SYT6: variants seen among roughly 807,000 people sequenced by gnomAD.
SYT6 encodes the protein synaptotagmin 6, also known as synaptotagmin-6.
In SYT6, 24 loss-of-function variants were observed where a neutral mutation model predicts 38.4. The ratio of observed to expected loss-of-function variants is 0.62; its 90% CI spans 0.45 to 0.88. The LOEUF (loss-of-function observed/expected upper bound fraction) is 0.88. Ranked by LOEUF, SYT6 falls within the 40% of genes least tolerant of loss-of-function variation. The pLI is 0.00. For missense variants in SYT6, 611 were observed against 621.0 expected, an observed-to-expected ratio of 0.98 and a Z score of 0.17; for synonymous variants, 265 against 241.9, an observed-to-expected ratio of 1.10 and a Z score of -0.89.
chr1:114,137,340 G>A (rs938503568), intron 3 of SYT6, among the ~76,000 whole-genome samples, 155 bp downstream of exon 3: 1 of 152,236 alleles, frequency 6.6e-6, no homozygotes, highest in African/African-American at 2.4e-5. Context: ...CAGAGTGCAA[G>A]GGTAGACTGG....
At chr1:114,094,091 TTATGTA>T (rs1365661817) in intron 6 of SYT6, among the ~76,000 whole-genome samples, 1 of 152,172 alleles carries the variant, frequency 6.6e-6, no homozygotes, top group Non-Finnish European at 1.5e-5. Context: ...CTTTCTTCCT[TTATGTA>T]ACAGCCCAAA....
chr1:114,136,727 C>T (rs1342163796), intron 3 of SYT6, among the ~76,000 whole-genome samples: 1 of 152,200 alleles, frequency 6.6e-6, no homozygotes, highest in Non-Finnish European at 1.5e-5. Flanking sequence ...GGCTGGCCTC[C>T]CCCATCTCCC....
Position 114,097,757 on chromosome 1 carries a change from G to A in SYT6, c.1485C>T (p.Ser495=). 1 of 1,614,172 alleles carries A rather than the reference G, an allele frequency of 6.2e-7. No homozygotes were observed. The highest frequency in any genetic ancestry group is 8.5e-7 in the Non-Finnish European group (1 of 1,180,016). The change falls in exon 6 of 8, where the codon TCC becomes TCT. Residue 495 remains serine (S), a synonymous_variant. Transcript: ENST00000610222. ...YPRKPIAHWH[S]LVEVKKSFKE... is the part of the protein sequence containing the mutation. ...TGAAGGATTTCTTTACCTCCACCAAGGAGTGCCAGTGTGCGATGGGCTTCC... is the reference window on the plus strand; with the variant it reads ...TGAAGGATTTCTTTACCTCCACCAAAGAGTGCCAGTGTGCGATGGGCTTCC...
intron 3 of SYT6, among the ~76,000 whole-genome samples, chr1:114,123,154 C>G (rs74112941): frequency 0.01 from 1,540 of 152,312 alleles, 32 homozygotes; most frequent in African/African-American, 0.034. Flanking sequence ...AGGAGTGACT[C>G]AGCTGGAGAT....
At chr1:114,126,574 A>C (rs1677754115) in intron 3 of SYT6, among the ~76,000 whole-genome samples, 1 of 152,234 alleles carries the variant, frequency 6.6e-6, no homozygotes. Context: ...GGAAGCACTA[A>C]GCAAGTGCAT....
At chr1:114,129,493 C>T (rs1677954875) in intron 3 of SYT6, among the ~76,000 whole-genome samples, 1 of 152,162 alleles carries the variant, frequency 6.6e-6, no homozygotes. Flanking sequence ...TTCTGCCACA[C>T]TCACTGGTCC....
intron 3 of SYT6, among the ~76,000 whole-genome samples, chr1:114,125,996 T>C (rs1178812917): frequency 6.6e-6 from 1 of 152,010 alleles, no homozygotes; most frequent in Non-Finnish European, 1.5e-5. Context: ...CCCTACAGTA[T>C]AGAGAGGCTC....
At chr1:114,131,226 T>C (rs951532402) in intron 3 of SYT6, among the ~76,000 whole-genome samples, 1 of 152,116 alleles carries the variant, frequency 6.6e-6, no homozygotes, top group Non-Finnish European at 1.5e-5. Flanking sequence ...GCCTGGTACA[T>C]AGTAATTACT....
intron 6 of SYT6, among the ~76,000 whole-genome samples, chr1:114,096,175 G>C (rs1261273183): frequency 6.6e-6 from 1 of 152,168 alleles, no homozygotes; most frequent in Admixed American, 6.5e-5. Flanking sequence ...TGAGGTGCTG[G>C]ATGCTGTCTG....
chr1:114,096,530 T>G (rs1675652754), intron 6 of SYT6, among the ~76,000 whole-genome samples: 1 of 152,192 alleles, frequency 6.6e-6, no homozygotes, highest in Non-Finnish European at 1.5e-5. Context: ...CCTTATCACC[T>G]ATGTTTCCAT....
chr1:114,128,344 G>C (rs749414050), intron 3 of SYT6, among the ~76,000 whole-genome samples: 28 of 152,276 alleles, frequency 1.8e-4, no homozygotes, highest in Non-Finnish European at 2.6e-4. Context: ...TGATGGAAAG[G>C]GTAGTCTTGG....
At chr1:114,126,739 T>A (rs769571963) in intron 3 of SYT6, among the ~76,000 whole-genome samples, 1 of 152,234 alleles carries the variant, frequency 6.6e-6, no homozygotes, top group South Asian at 2.1e-4. Flanking sequence ...AGGCACAGCA[T>A]ACTAATGAGG....
chr1:114,106,349 G>GCT (rs567865513), intron 3 of SYT6, among the ~76,000 whole-genome samples: 9 of 151,864 alleles, frequency 5.9e-5, no homozygotes, highest in Non-Finnish European at 1.2e-4. Context: ...CGAGGTAGGT[G>GCT]CTCTCTCTCT....
chr1:114,123,415 T>C (rs1458279897), intron 3 of SYT6, among the ~76,000 whole-genome samples: 1 of 152,156 alleles, frequency 6.6e-6, no homozygotes, highest in Non-Finnish European at 1.5e-5. Flanking sequence ...CCAGTGCTGT[T>C]CCCATGCATG....
intron 3 of SYT6, among the ~76,000 whole-genome samples, chr1:114,132,673 T>C (rs1034182905): frequency 6.6e-6 from 1 of 152,272 alleles, no homozygotes; most frequent in Non-Finnish European, 1.5e-5. Context: ...TCAGAACAGA[T>C]GACCTGGACT....
intron 1 of SYT6, among the ~76,000 whole-genome samples, chr1:114,142,186 G>A (rs887678073): frequency 1.3e-5 from 2 of 152,152 alleles, no homozygotes; most frequent in Admixed American, 6.5e-5. Context: ...ATTGAAAACT[G>A]TCTGAATAGG....
chr1:114,104,865 G>T (rs2100991202), intron 3 of SYT6, among the ~76,000 whole-genome samples: 1 of 152,098 alleles, frequency 6.6e-6, no homozygotes, highest in South Asian at 2.1e-4. Flanking sequence ...GATTCAGAGG[G>T]TACATATAGA....
At chr1:114,146,491 C>T (rs771479210) in intron 1 of SYT6, among the ~76,000 whole-genome samples, 22 of 152,166 alleles carry the variant, frequency 1.4e-4, no homozygotes, top group Non-Finnish European at 2.8e-4. Flanking sequence ...ACCCTTTTCC[C>T]ATTCACATCT....
intron 3 of SYT6, among the ~76,000 whole-genome samples, chr1:114,122,511 G>GCGCGCGCA (rs1238659597): frequency 1.3e-5 from 2 of 151,862 alleles, no homozygotes; most frequent in Non-Finnish European, 2.9e-5. Context: ...GTGTGTGCGC[G>GCGCGCGCA]CACATGAGCA....
Sources: allele counts gnomAD v4.1 joint callset (sites outside exome capture counted in the v4.1 genomes callset), GRCh38; gene constraint gnomAD v4.1.1; transcripts MANE v1.5; gene names NCBI Gene and HGNC (gene_info 2026-07-23, HGNC 2026-07-21).